The following NEBL variants were observed in gnomAD, a reference collection of about 807,000 sequenced individuals.
NEBL encodes the protein nebulette.
In NEBL, 122 loss-of-function variants were observed where a neutral mutation model predicts 140.2. The observed-to-expected ratio is 0.87, with a 90% CI of 0.75 to 1.01. NEBL has a LOEUF of 1.01. Among genes scored for constraint, NEBL ranks in the 50% least tolerant of loss-of-function variants. The pLI is 0.00. For missense variants in NEBL, 1,365 were observed against 1,231.3 expected (o/e 1.11, Z -1.62); for synonymous variants, 436 against 398.9 (o/e 1.09, Z -1.11).
At chr10:20,969,779 A>G (rs1441603900) in intron 3 of NEBL, among the ~76,000 whole-genome samples, 1 of 152,062 alleles carries the variant, frequency 6.6e-6, no homozygotes, top group Admixed American at 6.6e-5. Context: ...TCCTGACCTC[A>G]AGTGATCTGT....
intron 4 of NEBL, among the ~76,000 whole-genome samples, chr10:20,945,648 A>C (rs1835119328): frequency 6.6e-6 from 1 of 152,150 alleles, no homozygotes; most frequent in African/African-American, 2.4e-5. Context: ...GAATTTCAAA[A>C]TTTGGTCCTA....
At chr10:21,146,398 T>G in intron 2 of NEBL, 1 of 1,607,440 alleles carries the variant, frequency 6.2e-7, no homozygotes, top group Non-Finnish European at 8.5e-7. Flanking sequence ...ACTGGTTGAT[T>G]AGTAAAGCAC....
rs1249590630 is a variant in NEBL at position 20,910,900 on chromosome 10, G to A, written c.357+50772C>T. ...GAGTAGGCACTGGCCAGGCATGGTGGTTCATGCCTGTAATCCCAGCACTTT... is the reference window on the plus strand; with the variant it reads ...GAGTAGGCACTGGCCAGGCATGGTGATTCATGCCTGTAATCCCAGCACTTT... On this transcript the variant is annotated intron_variant, in intron 4 of 6. Coordinates refer to the NEBL transcript ENST00000417816. Among the ~76,000 whole-genome samples, 5 of 151,662 alleles carry A rather than the reference G, an allele frequency of 3.3e-5. 1 individual carries two copies. Among genetic ancestry groups the A allele is most frequent in the Admixed American group, 6.6e-5 (1 of 15,218 alleles).
intron 2 of NEBL, among the ~76,000 whole-genome samples, chr10:21,111,995 A>C (rs1470658095): frequency 1.3e-5 from 2 of 152,270 alleles, no homozygotes; most frequent in South Asian, 2.1e-4. Context: ...AAAAATGCTC[A>C]TCATCACTGG....
intron 2 of NEBL, among the ~76,000 whole-genome samples, chr10:21,035,587 C>A (rs961506336): frequency 7.9e-5 from 12 of 152,162 alleles, no homozygotes; most frequent in Admixed American, 3.3e-4. Context: ...GGTCATTATA[C>A]TTCTGCTGTG....
In NEBL at chr10:20,859,763, C is replaced by G; in HGVS notation, c.748G>C (p.Glu250Gln). Residue 250 changes from glutamate to glutamine, a missense_variant, in exon 8 of 28, where the codon GAA becomes CAA. Glu to Gln is a conservative substitution (Grantham distance 29). Around this residue, in one of 2 missense-constraint regions of NEBL, gnomAD observed 1,323 missense variants for 1,154.8 expected, o/e 1.15. Transcript: ENST00000377122. ...TGATTCTGCCTAAAAGAAGCACTTT[C>G]AAGAGGATTGTAATGATGTTTCTTA... ...KDKKHHYNPLESASFRQNQLA... is the reference protein window; with the variant it reads ...KDKKHHYNPLQSASFRQNQLA... 6.2e-7 allele frequency: 1 copy of G among 1,605,264 alleles called. No individual in the cohort carries two copies. The highest frequency in any genetic ancestry group is 1.7e-5 in the Admixed American group (1 of 59,814).
rs532062313 is a variant in NEBL at position 20,960,429 on chromosome 10, G to A, written c.357+1243C>T. 5.9e-4 allele frequency among the ~76,000 whole-genome samples: 90 copies of A among 152,104 alleles called. 1 individual carries two copies. In the South Asian group the frequency reaches 0.018, roughly 30 times the overall value. The stretch of plus-strand genomic sequence containing the variant: ...GGGGTAGAAAAACTAAGAGACAAAT[G>A]TCATGAAGTCTTAAAATTCAACTCT... On this transcript the variant is annotated intron_variant, in intron 4 of 6. Transcript: ENST00000417816.
At chr10:21,289,984 T>C (rs927499424) in intron 1 of NEBL, among the ~76,000 whole-genome samples, 4 of 152,348 alleles carry the variant, frequency 2.6e-5, no homozygotes, top group Admixed American at 2.0e-4. Context: ...AAAACATTCA[T>C]CAACCCCTTC....
chr10:20,925,831 A>G (rs1282839370), intron 4 of NEBL, among the ~76,000 whole-genome samples: 1 of 152,090 alleles, frequency 6.6e-6, no homozygotes, highest in African/African-American at 2.4e-5. Flanking sequence ...CTAATTAACG[A>G]CATTTTGGGC....
intron 3 of NEBL, among the ~76,000 whole-genome samples, chr10:21,204,679 T>C (rs1841797975): frequency 6.6e-6 from 1 of 152,192 alleles, no homozygotes; most frequent in African/African-American, 2.4e-5. Context: ...CCTGTGATTC[T>C]CTTTTGTCCT....
chr10:21,037,791 G>A (rs649734), intron 2 of NEBL, among the ~76,000 whole-genome samples: 91,781 of 151,840 alleles, frequency 0.6, 27,831 homozygotes, highest in East Asian at 0.73. Context: ...TAAATTGGAG[G>A]TCAAAAAACA....
At chr10:20,933,676 G>C (rs898274560) in intron 4 of NEBL, among the ~76,000 whole-genome samples, 2 of 152,228 alleles carry the variant, frequency 1.3e-5, no homozygotes, top group African/African-American at 4.8e-5. Context: ...AGAGGTTGCA[G>C]TGAGCCAAGA....
chr10:20,835,065 T>G (rs1840744212), intron 14 of NEBL, among the ~76,000 whole-genome samples: 1 of 152,206 alleles, frequency 6.6e-6, no homozygotes, highest in Non-Finnish European at 1.5e-5. Context: ...CAACAAAGGC[T>G]ATTTTAAGAA....
At chr10:21,047,014 C>G (rs1834551399) in intron 2 of NEBL, among the ~76,000 whole-genome samples, 1 of 152,154 alleles carries the variant, frequency 6.6e-6, no homozygotes, top group Non-Finnish European at 1.5e-5. Flanking sequence ...ACCATGGTCT[C>G]TTATAGTGTT....
At chr10:20,841,000 A>G (rs1176774624) in intron 12 of NEBL, 151 bp from the exon 13 acceptor site, 1 of 630,638 alleles carries the variant, frequency 1.6e-6, no homozygotes, top group Non-Finnish European at 2.8e-6. Context: ...TTTTTCCTAC[A>G]GACACTTCAT....
intron 3 of NEBL, among the ~76,000 whole-genome samples, chr10:20,978,365 C>A (rs942008099): frequency 6.6e-6 from 1 of 151,258 alleles, no homozygotes; most frequent in Non-Finnish European, 1.5e-5. Context: ...AAGTAATATA[C>A]AAGGCCATTT....
upstream of NEBL, among the ~76,000 whole-genome samples, chr10:20,898,848 C>T (rs1847708258): frequency 6.6e-6 from 1 of 152,078 alleles, no homozygotes; most frequent in South Asian, 2.1e-4. Context: ...ACTAACACTC[C>T]TCTGTGAAAT....
At chr10:21,120,239 A>G (rs1480121709) in intron 2 of NEBL, among the ~76,000 whole-genome samples, 1 of 151,322 alleles carries the variant, frequency 6.6e-6, no homozygotes, top group South Asian at 2.1e-4. Context: ...GCCCTGCATG[A>G]TGGCATGTGC....
intron 2 of NEBL, among the ~76,000 whole-genome samples, chr10:21,042,054 G>C (rs1462425761): frequency 9.9e-5 from 15 of 152,158 alleles, no homozygotes; most frequent in Admixed American, 9.8e-4. Flanking sequence ...CAGGGTCTTT[G>C]TGACTGTATC....
Sources: gnomAD v4.1 joint callset for allele counts (sites outside exome capture counted in the v4.1 genomes callset) on GRCh38, gnomAD v4.1.1 for gene constraint, gnomAD v4.1.1 regional missense constraint, MANE v1.5 for transcripts, NCBI Gene and HGNC (gene_info 2026-07-23, HGNC 2026-07-21) for gene names.